UBE2E2: variants seen among roughly 807,000 people sequenced by gnomAD.
UBE2E2 encodes ubiquitin conjugating enzyme E2 E2, also known as ubiquitin-conjugating enzyme E2 E2.
A neutral mutation model predicts 24.7 loss-of-function variants in UBE2E2; 6 were observed. The ratio of observed to expected loss-of-function variants is 0.24; its 90% CI spans 0.13 to 0.48. The LOEUF (loss-of-function observed/expected upper bound fraction) is 0.48. UBE2E2 is among the 20% of genes least tolerant of loss of function. The pLI is 0.99. For missense variants in UBE2E2, 169 were observed against 245.0 expected, an observed-to-expected ratio of 0.69 and a Z score of 2.07; for synonymous variants, 104 against 83.6, an observed-to-expected ratio of 1.24 and a Z score of -1.33.
chr3:23,250,659 A>G (rs1156496748), intron 3 of UBE2E2, among the ~76,000 whole-genome samples: 6 of 152,210 alleles, frequency 3.9e-5, no homozygotes, highest in Admixed American at 3.9e-4. Context: ...ATTATTCAAG[A>G]ATTTAGTTTC....
At chr3:23,559,466 G>C (rs1695868111) in intron 5 of UBE2E2, among the ~76,000 whole-genome samples, 1 of 151,972 alleles carries the variant, frequency 6.6e-6, no homozygotes, top group African/African-American at 2.4e-5. Flanking sequence ...GTACAAGTGA[G>C]AATTAGATTT....
intron 3 of UBE2E2, among the ~76,000 whole-genome samples, chr3:23,383,503 T>C (rs1451777544): frequency 1.3e-5 from 2 of 152,150 alleles, no homozygotes; most frequent in Non-Finnish European, 2.9e-5. Context: ...CTGGTAAGCA[T>C]TGCAGTGGCA....
At chr3:23,284,963 AT>A (rs144447428) in intron 3 of UBE2E2, among the ~76,000 whole-genome samples, 17,132 of 139,966 alleles carry the variant, frequency 0.12, 1,471 homozygotes, top group African/African-American at 0.24. Flanking sequence ...GGAAAAAAAA[AT>A]ATATATATAT....
At chr3:23,483,844 G>T (rs373177394) in intron 3 of UBE2E2, among the ~76,000 whole-genome samples, 2 of 152,182 alleles carry the variant, frequency 1.3e-5, no homozygotes, top group African/African-American at 2.4e-5. Context: ...TCCAGAAGCT[G>T]TTCAAGCTCT....
chr3:23,568,694 CACATAT>C (rs1559424927), intron 5 of UBE2E2, among the ~76,000 whole-genome samples: 3 of 132,768 alleles, frequency 2.3e-5, no homozygotes, highest in East Asian at 2.1e-4. Flanking sequence ...CATATATACA[CACATAT>C]ATATATACAT....
At chr3:23,445,353 T>C (rs1698403489) in intron 3 of UBE2E2, among the ~76,000 whole-genome samples, 1 of 152,230 alleles carries the variant, frequency 6.6e-6, no homozygotes, top group South Asian at 2.1e-4. Context: ...AATTCATTTT[T>C]CCAGACCTCC....
rs367621890 is a variant in UBE2E2, at chr3:23,256,342, C to T, written c.227+39030C>T. On this transcript the variant is annotated intron_variant, in intron 3 of 5. Coordinates refer to ENST00000396703, the MANE Select transcript of UBE2E2 (RefSeq NM_152653.4). Reference sequence around the variant, plus strand: ...CATCTAAGTAAAATATTGTTACTGCCTTGTCATATTTGAATACTTGGGAAT... The same window carrying T: ...CATCTAAGTAAAATATTGTTACTGCTTTGTCATATTTGAATACTTGGGAAT... Among the ~76,000 whole-genome samples the T allele has an allele frequency of 4.6e-5, 7 of 152,194 alleles. No homozygotes were observed. In the East Asian group the frequency reaches 7.7e-4, roughly 17 times the overall value.
chr3:23,307,600 A>G (rs1262018482), intron 3 of UBE2E2, among the ~76,000 whole-genome samples: 1 of 152,172 alleles, frequency 6.6e-6, no homozygotes, highest in African/African-American at 2.4e-5. Context: ...AATTGAAACC[A>G]TGAGTTGAGT....
At chr3:23,478,894 ATATTT>A (rs773890158) in intron 3 of UBE2E2, among the ~76,000 whole-genome samples, 1 of 28,712 alleles carries the variant, frequency 3.5e-5, no homozygotes. Context: ...ATATATATAT[ATATTT>A]TTTTTTTAAT....
chr3:23,219,984 G>T (rs1410232896), intron 3 of UBE2E2, among the ~76,000 whole-genome samples: 1 of 152,044 alleles, frequency 6.6e-6, no homozygotes, highest in African/African-American at 2.4e-5. Context: ...CTGAATTTTG[G>T]TGCATCTCTT....
intron 3 of UBE2E2, among the ~76,000 whole-genome samples, chr3:23,456,365 A>G (rs967759012): frequency 6.6e-6 from 1 of 152,222 alleles, no homozygotes; most frequent in African/African-American, 2.4e-5. Flanking sequence ...GGCGTCTAGA[A>G]TGGTGAATCC....
intron 3 of UBE2E2, among the ~76,000 whole-genome samples, chr3:23,248,054 C>A (rs1697461268): frequency 1.3e-5 from 2 of 152,244 alleles, no homozygotes; most frequent in South Asian, 4.1e-4. Flanking sequence ...ATTCCCAATT[C>A]TAATCAATTT....
chr3:23,379,531 G>C (rs945604552), intron 3 of UBE2E2, among the ~76,000 whole-genome samples: 11 of 149,926 alleles, frequency 7.3e-5, no homozygotes, highest in African/African-American at 2.7e-4. Context: ...TACTGAGAAT[G>C]ATGATTTCCA....
intron 3 of UBE2E2, among the ~76,000 whole-genome samples, chr3:23,493,315 A>T (rs1285758467): frequency 1.3e-5 from 2 of 152,166 alleles, no homozygotes; most frequent in Non-Finnish European, 2.9e-5. Context: ...CATGATTTTT[A>T]TTGCATGTAA....
At chr3:23,449,994 T>C (rs1698527047) in intron 3 of UBE2E2, 9 of 914,502 alleles carry the variant, frequency 9.8e-6, no homozygotes, top group Non-Finnish European at 1.2e-5. Flanking sequence ...GCCACGTGAG[T>C]ACAGCAATGG....
intron 4 of UBE2E2, among the ~76,000 whole-genome samples, chr3:23,502,706 T>G (rs746431703): frequency 2.0e-5 from 3 of 152,186 alleles, no homozygotes; most frequent in Non-Finnish European, 4.4e-5. Flanking sequence ...ACTACCTGAG[T>G]ACATAATGTT....
intron 1 of UBE2E2, among the ~76,000 whole-genome samples, chr3:23,205,013 AT>A (rs1187264145): frequency 6.6e-6 from 1 of 152,184 alleles, no homozygotes; most frequent in African/African-American, 2.4e-5. Flanking sequence ...AAATCATTTC[AT>A]TTTTATGGAA....
chr3:23,504,908 C>CATTCTTTTTTTTTTTT (rs1559405467), intron 4 of UBE2E2, among the ~76,000 whole-genome samples: 5 of 67,214 alleles, frequency 7.4e-5, no homozygotes, highest in Non-Finnish European at 1.2e-4. Context: ...TTCAGACATT[C>CATTCTTTTTTTTTTTT]TTTCTTTTTT....
chr3:23,452,887 C>T (rs1281620707), intron 3 of UBE2E2, among the ~76,000 whole-genome samples: 2 of 152,156 alleles, frequency 1.3e-5, no homozygotes, highest in African/African-American at 2.4e-5. Flanking sequence ...TTCTCCACAG[C>T]ACGCTGGCAC....
Sources: allele counts gnomAD v4.1 joint callset (sites outside exome capture counted in the v4.1 genomes callset), GRCh38; gene constraint gnomAD v4.1.1; transcripts MANE v1.5; gene names NCBI Gene and HGNC (gene_info 2026-07-23, HGNC 2026-07-21).